The following PLEKHG4B variants were observed in gnomAD, a reference collection of about 807,000 sequenced individuals.
PLEKHG4B encodes the protein pleckstrin homology and RhoGEF domain containing G4B.
In PLEKHG4B, 111 loss-of-function variants were observed where a neutral mutation model predicts 121.3. The observed-to-expected ratio is 0.92, with a 90% CI of 0.78 to 1.07. The LOEUF (loss-of-function observed/expected upper bound fraction) is 1.07. PLEKHG4B is among the 50% of genes least tolerant of loss of function. The pLI is 0.00. For missense variants in PLEKHG4B, 1,831 were observed against 1,757.8 expected (o/e 1.04, Z -0.74); for synonymous variants, 738 against 725.0 (o/e 1.02, Z -0.29).
At chr5:158,022 G>T (rs1735850303) in intron 11 of PLEKHG4B, among the ~76,000 whole-genome samples, 1 of 152,150 alleles carries the variant, frequency 6.6e-6, no homozygotes, top group Non-Finnish European at 1.5e-5. Context: ...TTGGCCAGGG[G>T]CCCAGCTGGT....
intron 2 of PLEKHG4B, among the ~76,000 whole-genome samples, chr5:130,112 AAGAC>A (rs1430846971): frequency 6.6e-6 from 1 of 152,054 alleles, no homozygotes; most frequent in Non-Finnish European, 1.5e-5. Flanking sequence ...TCATCAGAAA[AAGAC>A]AGACTTACTT....
chr5:178,660 A>G (rs916085458), intron 18 of PLEKHG4B, among the ~76,000 whole-genome samples: 4 of 152,218 alleles, frequency 2.6e-5, no homozygotes, highest in African/African-American at 9.6e-5. Context: ...GGTGCATAGT[A>G]ATATAGAATT....
At chr5:170,255 G>A (rs866029495) in intron 14 of PLEKHG4B, among the ~76,000 whole-genome samples, 7 of 152,136 alleles carry the variant, frequency 4.6e-5, no homozygotes, top group Non-Finnish European at 1.5e-5. Context: ...TTATCACAAC[G>A]AAAACAGCCG....
At chr5:169,936 C>T (rs564414918) in intron 14 of PLEKHG4B, among the ~76,000 whole-genome samples, 4 of 152,260 alleles carry the variant, frequency 2.6e-5, no homozygotes, top group Admixed American at 6.5e-5. Flanking sequence ...AATCACCTTC[C>T]GGGGAGAGGC....
At chr5:150,346 G>A (rs945935591) in intron 6 of PLEKHG4B, among the ~76,000 whole-genome samples, 2 of 152,182 alleles carry the variant, frequency 1.3e-5, no homozygotes, top group African/African-American at 4.8e-5. Flanking sequence ...CCTGGTGCCA[G>A]GAGCAGGGGG....
rs1292827650 is a variant in PLEKHG4B at position 137,882 on chromosome 5, A to G, written c.244-1601A>G. Among the ~76,000 whole-genome samples the G allele has an allele frequency of 6.6e-6, 1 of 151,952 alleles. No homozygotes were observed. The highest frequency in any genetic ancestry group is 1.5e-5 in the Non-Finnish European group (1 of 67,990). On this transcript the variant is annotated intron_variant, in intron 2 of 19. Transcript: ENST00000637938. This position sits in a 1 kb window ranked among gnomAD's most constrained non-coding sequence, Gnocchi z 4.2. ...TTCTGGGGTGAAACCTGTGGAGGGG[A>G]TGGAGGTGGCCCCACCAGGCATCCA...
intron 13 of PLEKHG4B, 119 bp downstream of exon 13, chr5:163,667 T>C: frequency 1.2e-6 from 1 of 828,910 alleles, no homozygotes; most frequent in South Asian, 1.8e-5. Context: ...GACATCCCTC[T>C]GGGTCCACCT....
intron 2 of PLEKHG4B, among the ~76,000 whole-genome samples, chr5:120,533 G>T (rs899289289): frequency 6.6e-6 from 1 of 152,112 alleles, no homozygotes; most frequent in Non-Finnish European, 1.5e-5. Flanking sequence ...TCTGAGGCTG[G>T]GCTGAAAGGT....
At chr5:105,212 T>TGTTCTGGGTTCTGGTGTTCCCGTCC (rs1733943147) in intron 1 of PLEKHG4B, among the ~76,000 whole-genome samples, 1 of 118,954 alleles carries the variant, frequency 8.4e-6, no homozygotes, top group African/African-American at 4.6e-5. Context: ...TGCTCCTGTC[T>TGTTCTGGGTTCTGGTGTTCCCGTCC]TGAAGACTTC....
Position 182,371 on chromosome 5 carries a change from G to C in PLEKHG4B, c.*48G>C. 6.6e-7 allele frequency: 1 copy of C among 1,522,734 alleles called. No homozygotes were observed. The allele number at this position is 1,522,734 out of a possible 1,614,324, so 94.3% of individuals were successfully genotyped here. A position where few individuals can be genotyped will look rare whatever the true frequency, so the allele number is the denominator to read the frequency against. ...CATCATGTGGCTAGAACAATACAGA[G>C]GGAGCAGCACGCCAGGCCTGATGAC... On this transcript the variant is annotated 3_prime_UTR_variant, in exon 20 of 20. Coordinates refer to ENST00000637938, the MANE Select transcript of PLEKHG4B (RefSeq NM_052909.5).
Position 172,480 on chromosome 5 carries a change from G to A in PLEKHG4B, c.4051-417G>A, listed in dbSNP as rs571959219. ...GGGGACTCTAGCACCACCTCAGCAG[G>A]GAGTTCCATCAAAATGGACGCGAGG... is the stretch of plus-strand genomic sequence containing the variant. On this transcript the variant is annotated intron_variant, in intron 16 of 19. Transcript: ENST00000637938. Among the ~76,000 whole-genome samples, 9 of 152,338 alleles carry A rather than the reference G, an allele frequency of 5.9e-5. No individual in the cohort carries two copies. In the East Asian group the frequency reaches 1.4e-3, roughly 23 times the overall value.
chr5:160,199 A>G (rs956624602), intron 11 of PLEKHG4B, among the ~76,000 whole-genome samples: 1 of 152,240 alleles, frequency 6.6e-6, no homozygotes, highest in Admixed American at 6.5e-5. Flanking sequence ...GTGTGTGGGC[A>G]TGCGCTGCAA....
intron 18 of PLEKHG4B, among the ~76,000 whole-genome samples, chr5:178,856 T>A (rs1736844172): frequency 6.6e-6 from 1 of 152,256 alleles, no homozygotes; most frequent in African/African-American, 2.4e-5. Flanking sequence ...GAACAGTAGT[T>A]GCATAGAACC....
At position 140,623 on chromosome 5, in the gene PLEKHG4B, G is replaced by C; in HGVS notation, c.1384G>C (p.Ala462Pro). The change falls in exon 3 of 20, where the codon GCA (alanine) becomes CCA (proline). Residue 462 changes from alanine to proline, a missense_variant. Transcript: ENST00000637938. The part of the protein sequence containing the change: ...AAACHTSHHS[A>P]GSRPGGHLGG... ...AGCCTGCCACACCTCCCACCACTCAGCAGGCTCCAGGCCTGGGGGCCACCT... is the reference window on the plus strand; with the variant it reads ...AGCCTGCCACACCTCCCACCACTCACCAGGCTCCAGGCCTGGGGGCCACCT... The C allele has an allele frequency of 6.2e-7, 1 of 1,610,898 alleles. No individual in the cohort carries two copies. The highest frequency in any genetic ancestry group is 1.1e-5 in the South Asian group (1 of 90,974).
chr5:127,246 A>G (rs367837095), intron 2 of PLEKHG4B, among the ~76,000 whole-genome samples: 1 of 151,968 alleles, frequency 6.6e-6, no homozygotes, highest in Non-Finnish European at 1.5e-5. Flanking sequence ...GCTGATTTTC[A>G]TTAAAAGGAA....
At chr5:177,484 T>A (rs1736793564) in intron 18 of PLEKHG4B, among the ~76,000 whole-genome samples, 1 of 152,218 alleles carries the variant, frequency 6.6e-6, no homozygotes, top group African/African-American at 2.4e-5. Context: ...TAATATACAC[T>A]AGAGTTTGTT....
rs1352889188 is a variant in PLEKHG4B at position 163,535 on chromosome 5, C to T, written c.3463C>T (p.Gln1155Ter). 6.3e-7 allele frequency: 1 copy of T among 1,598,388 alleles called. No homozygotes were observed. The highest frequency in any genetic ancestry group is 8.5e-7 in the Non-Finnish European group (1 of 1,172,186). The change falls in exon 13 of 20, where the codon CAG (glutamine) becomes TAG (stop). Residue 1155 changes from glutamine to a stop codon, truncating the protein, a stop_gained. Transcript: ENST00000637938. LOFTEE classifies it high-confidence loss of function. ...CCACCCTGCTGAGGAGGATGGGAGG[C>T]AGCAGGTGGGCAGGTGAGGTGGACG... ...GLHPAEEDGR[Q>*]QVGSSRLRHI...
chr5:173,914 G>A lies in PLEKHG4B; in HGVS notation c.4222-4G>A. 3 of 1,612,718 alleles carry A rather than the reference G, an allele frequency of 1.9e-6. No homozygotes were observed. Among genetic ancestry groups the A allele is most frequent in the Non-Finnish European group, 2.5e-6 (3 of 1,179,542 alleles). ...GTGCTGCAATGGGTGTTTGCTGACTGCAGACGGCCGAGATCGGGATGACAG... is the reference window on the plus strand; with the variant it reads ...GTGCTGCAATGGGTGTTTGCTGACTACAGACGGCCGAGATCGGGATGACAG... On this transcript the variant is annotated splice_region_variant and splice_polypyrimidine_tract_variant and intron_variant, in intron 17 of 19. Coordinates refer to ENST00000637938, the MANE Select transcript of PLEKHG4B (RefSeq NM_052909.5).
At chr5:149,522 CAGAG>C (rs995326492) in intron 6 of PLEKHG4B, among the ~76,000 whole-genome samples, 7 of 151,692 alleles carry the variant, frequency 4.6e-5, no homozygotes, top group Admixed American at 2.6e-4. Context: ...GTATGGATGA[CAGAG>C]AGAGACCCCG....
Sources: gnomAD v4.1 joint callset for allele counts (sites outside exome capture counted in the v4.1 genomes callset) on GRCh38, gnomAD v4.1.1 for gene constraint, Gnocchi (gnomAD v3.1) non-coding constraint, MANE v1.5 for transcripts, NCBI Gene and HGNC (gene_info 2026-07-23, HGNC 2026-07-21) for gene names.